Variants in GRAMD1B observed in about 807,000 individuals in gnomAD.
The protein encoded by GRAMD1B is GRAM domain containing 1B.
Under a neutral mutation model 99.7 loss-of-function variants are expected in GRAMD1B, and 37 were observed. That is an observed-to-expected ratio of 0.37 (90% confidence interval 0.29 to 0.49). GRAMD1B has a LOEUF of 0.49. Ranked by LOEUF, GRAMD1B falls within the 20% of genes least tolerant of loss-of-function variation. GRAMD1B has a pLI of 0.98. For synonymous variants in GRAMD1B, 427 were observed against 387.6 expected, an observed-to-expected ratio of 1.10 and a Z score of -1.19; for missense variants, 888 against 1,009.2, an observed-to-expected ratio of 0.88 and a Z score of 1.63.
At chr11:123,557,608 A>G (rs892529660) in intron 2 of GRAMD1B, among the ~76,000 whole-genome samples, 4 of 152,234 alleles carry the variant, frequency 2.6e-5, no homozygotes, top group Non-Finnish European at 5.9e-5. Context: ...AGCAGGTTGC[A>G]TGTATTTACA....
At chr11:123,460,705 C>T (rs1234582631) in intron 1 of GRAMD1B, among the ~76,000 whole-genome samples, 5 of 151,936 alleles carry the variant, frequency 3.3e-5, no homozygotes, top group Middle Eastern at 3.2e-3. Flanking sequence ...ATTTGGGGGG[C>T]GGACAGGAGT....
chr11:123,419,929 T>TTCCAAGG (rs1271522229), intron 1 of GRAMD1B, among the ~76,000 whole-genome samples: 103 of 152,234 alleles, frequency 6.8e-4, no homozygotes, highest in African/African-American at 2.4e-3. Flanking sequence ...AGTGTCCTTG[T>TTCCAAGG]TCCAAGGTCC....
In GRAMD1B at chr11:123,545,084, C is replaced by T. The variant is rs145688722; in HGVS notation, c.453-32283C>T. Reference sequence around the variant, plus strand: ...CCTCCTCTGAAGGCAGCCTTGTCACCGAGGCTAAGGGACAGAATTGCCTCA... The same window carrying T: ...CCTCCTCTGAAGGCAGCCTTGTCACTGAGGCTAAGGGACAGAATTGCCTCA... On this transcript the variant is annotated intron_variant, in intron 2 of 19. Coordinates refer to ENST00000635736, the MANE Select transcript of GRAMD1B (RefSeq NM_001387025.1). Among the ~76,000 whole-genome samples the T allele has an allele frequency of 3.6e-3, 541 of 152,252 alleles. 4 individuals are homozygous for T. The highest frequency in any genetic ancestry group is 0.014 in the Middle Eastern group (4 of 294).
In GRAMD1B at chr11:123,591,201, G is replaced by A. The variant is rs1950609464; in HGVS notation, c.685-2881G>A. The A allele has an allele frequency of 5.2e-6, 2 of 384,622 alleles. No individual in the cohort carries two copies. Among genetic ancestry groups the A allele is most frequent in the Non-Finnish European group, 9.2e-6 (2 of 217,514 alleles). The allele number at this position is 384,622 out of a possible 1,614,324, so 23.8% of individuals were successfully genotyped here. ...CTGACCACCTCGGCTCACTTGTGAA[G>A]CTTCATGCTGGGCATGCAGCTCTAG... On this transcript the variant is annotated intron_variant, in intron 4 of 19. Transcript: ENST00000635736. The surrounding 1 kb of genome is among the most constrained non-coding windows in gnomAD (Gnocchi z 4.7).
intron 2 of GRAMD1B, among the ~76,000 whole-genome samples, chr11:123,554,700 AC>A (rs1945997155): frequency 6.6e-6 from 1 of 152,020 alleles, no homozygotes; most frequent in Non-Finnish European, 1.5e-5. Flanking sequence ...ACAGAGGGAG[AC>A]CCTGTCTCAA....
In GRAMD1B at chr11:123,462,890, T is replaced by TAAAA. The variant is rs55643501; in HGVS notation, c.375-17926_375-17925insAAAA. 3.0e-3 allele frequency among the ~76,000 whole-genome samples: 366 copies of TAAAA among 122,980 alleles called. 15 individuals are homozygous for TAAAA. The East Asian group carries it at 0.044, about 15-fold the overall frequency. The allele number at this position is 122,980 out of a possible 152,430, so 80.7% of individuals were successfully genotyped here. On this transcript the variant is annotated intron_variant, in intron 1 of 19. Coordinates refer to ENST00000635736, the MANE Select transcript of GRAMD1B (RefSeq NM_001387025.1). ...CAAGAATTATCAATAAAAAAATAAA[T>TAAAA]TAAAAAAAAAAAAAAAAAAAAAGAA...
At chr11:123,390,138 TAA>T (rs11462388) in intron 1 of GRAMD1B, among the ~76,000 whole-genome samples, 2 of 142,686 alleles carry the variant, frequency 1.4e-5, no homozygotes, top group Non-Finnish European at 1.5e-5. Flanking sequence ...ATCAATTCAT[TAA>T]AAAAAAAAAA....
chr11:123,549,472 G>A (rs751272050), intron 2 of GRAMD1B, among the ~76,000 whole-genome samples: 37 of 152,048 alleles, frequency 2.4e-4, no homozygotes, highest in Non-Finnish European at 3.7e-4. Flanking sequence ...AACCTGGGAG[G>A]CAGAGCTTGC....
chr11:123,534,827 G>A (rs1463613464), intron 2 of GRAMD1B, among the ~76,000 whole-genome samples: 1 of 152,004 alleles, frequency 6.6e-6, no homozygotes, highest in Non-Finnish European at 1.5e-5. Flanking sequence ...TTGTGCCATT[G>A]CACTCCAGCT....
chr11:123,491,952 C>A, intron 2 of GRAMD1B: 1 of 399,240 alleles, frequency 2.5e-6, no homozygotes, highest in Non-Finnish European at 4.4e-6. Context: ...GGCCTTTCTG[C>A]GAGCCAAGTA....
At chr11:123,597,256 CTTTTTTTTTTTTTTTTTT>C (rs71060518) in intron 7 of GRAMD1B, among the ~76,000 whole-genome samples, 22 of 76,562 alleles carry the variant, frequency 2.9e-4, no homozygotes, top group Admixed American at 5.5e-4. Flanking sequence ...GCCACTATGC[CTTTTTTTTTTTTTTTTTT>C]TTTTTTTTTT....
chr11:123,513,617 C>CCTTCCCTTCTTTCTTTCTTTCTTTCTTT, intron 2 of GRAMD1B, among the ~76,000 whole-genome samples: 1 of 45,816 alleles, frequency 2.2e-5, no homozygotes, highest in African/African-American at 9.1e-5. Flanking sequence ...TTCCTTCCTT[C>CCTTCCCTTCTTTCTTTCTTTCTTTCTTT]CTTTCTTTCT....
chr11:123,605,552 C>A, intron 10 of GRAMD1B, 74 bp downstream of exon 10: 2 of 1,223,018 alleles, frequency 1.6e-6, no homozygotes, highest in African/African-American at 1.5e-5. Context: ...CACTGGGAAC[C>A]CAATCTGGGG....
intron 7 of GRAMD1B, among the ~76,000 whole-genome samples, chr11:123,596,526 TA>T (rs34050488): frequency 6.6e-6 from 1 of 152,322 alleles, no homozygotes; most frequent in Admixed American, 6.5e-5. Flanking sequence ...ATACGTTGGA[TA>T]AAATTCAGGA....
intron 2 of GRAMD1B, among the ~76,000 whole-genome samples, chr11:123,551,379 G>A (rs556017988): frequency 2.6e-5 from 4 of 152,222 alleles, no homozygotes; most frequent in Admixed American, 6.5e-5. Context: ...ATGCCCAGGC[G>A]AAACCTCTAC....
At position 123,595,998 on chromosome 11, in the gene GRAMD1B, C is replaced by T; in HGVS notation, c.930C>T (p.Leu310=). 6.2e-7 allele frequency: 1 copy of T among 1,609,028 alleles called. No individual in the cohort carries two copies. The highest frequency in any genetic ancestry group is 1.1e-5 in the South Asian group (1 of 89,676). ...CSMTKEKTAR[L]IPNAIQVCTD... ...TGACTAAAGAAAAAACAGCTCGCCTCATTCCCAATGCCATCCAAGTTTGCA... is the reference window on the plus strand; with the variant it reads ...TGACTAAAGAAAAAACAGCTCGCCTTATTCCCAATGCCATCCAAGTTTGCA... The change falls in exon 7 of 20, where the codon CTC becomes CTT. Residue 310 remains leucine (L), a synonymous_variant. Transcript: ENST00000635736.
intron 2 of GRAMD1B, among the ~76,000 whole-genome samples, chr11:123,484,664 GC>G (rs537859108): frequency 1.8e-4 from 28 of 152,030 alleles, no homozygotes; most frequent in Middle Eastern, 3.4e-3. Context: ...CCTGTGACCG[GC>G]CCCCCCTCCA....
intron 12 of GRAMD1B, among the ~76,000 whole-genome samples, 200 bp downstream of exon 12, chr11:123,609,002 A>G (rs1281375595): frequency 6.6e-6 from 1 of 151,708 alleles, no homozygotes; most frequent in Non-Finnish European, 1.5e-5. Flanking sequence ...CCTTTTCACC[A>G]GCCCTGCAGC....
chr11:123,373,932 G>C (rs1456524281), intron 1 of GRAMD1B, among the ~76,000 whole-genome samples: 1 of 152,128 alleles, frequency 6.6e-6, no homozygotes, highest in Non-Finnish European at 1.5e-5. Flanking sequence ...CTTTCCCCAG[G>C]GAGAATCCCA....
Sources: gnomAD v4.1 joint callset for allele counts (sites outside exome capture counted in the v4.1 genomes callset) on GRCh38, gnomAD v4.1.1 for gene constraint, Gnocchi (gnomAD v3.1) non-coding constraint, MANE v1.5 for transcripts, NCBI Gene and HGNC (gene_info 2026-07-23, HGNC 2026-07-21) for gene names.